SYT16: variants seen among roughly 807,000 people sequenced by gnomAD.
SYT16 encodes the protein synaptotagmin-16.
Under a neutral mutation model 61.4 loss-of-function variants are expected in SYT16, and 42 were observed. That is an observed-to-expected ratio of 0.68 (90% CI 0.53 to 0.89). The LOEUF is 0.89. Among genes scored for constraint, SYT16 ranks in the 40% least tolerant of loss-of-function variants. The pLI is 0.00. For missense variants in SYT16, 804 were observed against 807.3 expected (o/e 1.00, Z 0.05); for synonymous variants, 314 against 302.3 (o/e 1.04, Z -0.40).
At chr14:61,982,413 A>C (rs1238352334) in intron 2 of SYT16, among the ~76,000 whole-genome samples, 1 of 152,182 alleles carries the variant, frequency 6.6e-6, no homozygotes. Flanking sequence ...CACGTCTTAC[A>C]TGGCAGCAGG....
At chr14:61,966,434 T>C (rs1285148514) in intron 1 of SYT16, among the ~76,000 whole-genome samples, 2 of 152,120 alleles carry the variant, frequency 1.3e-5, no homozygotes, top group East Asian at 3.8e-4. Flanking sequence ...TTTCCAAACA[T>C]TCTACTCTAT....
chr14:61,936,808 C>A (rs1566695712), intron 1 of SYT16, among the ~76,000 whole-genome samples: 1 of 152,184 alleles, frequency 6.6e-6, no homozygotes, highest in Non-Finnish European at 1.5e-5. Context: ...GGCAACTTTT[C>A]ATCACCCTCA....
chr14:62,091,297 T>C (rs1333248625), intron 7 of SYT16, among the ~76,000 whole-genome samples: 1 of 152,094 alleles, frequency 6.6e-6, no homozygotes, highest in Admixed American at 6.6e-5. Flanking sequence ...TCCACAAAGT[T>C]TGACAGAGTT....
At chr14:62,075,516 TA>T in intron 5 of SYT16, 125 bp downstream of exon 5, 1 of 1,161,528 alleles carries the variant, frequency 8.6e-7, no homozygotes, top group Non-Finnish European at 1.1e-6. Context: ...TTATCTGCAA[TA>T]AATTTTTGTC....
At chr14:61,906,353 G>A (rs2048709155) in intron 1 of SYT16, among the ~76,000 whole-genome samples, 1 of 152,144 alleles carries the variant, frequency 6.6e-6, no homozygotes, top group African/African-American at 2.4e-5. Context: ...TGCAGTCATG[G>A]CTTGCTGTAG....
In SYT16 at chr14:61,946,376, A is replaced by G. The variant is rs2050437651; in HGVS notation, c.-324-23756A>G. ...ATATGCGTGGAATATCCACTCATGG[A>G]TAGAGTGGAATAATAGATGTTGGAG... On this transcript the variant is annotated intron_variant, in intron 1 of 7. Transcript: ENST00000683842. Among the ~76,000 whole-genome samples, 3 of 152,144 alleles carry G rather than the reference A, an allele frequency of 2.0e-5. No individual in the cohort carries two copies. In the South Asian group the frequency reaches 6.2e-4, roughly 32 times the overall value.
chr14:61,923,488 T>G (rs1256265625), intron 1 of SYT16, among the ~76,000 whole-genome samples: 2 of 152,134 alleles, frequency 1.3e-5, no homozygotes, highest in African/African-American at 2.4e-5. Flanking sequence ...ACCCCAAACC[T>G]CTCTTCCCCA....
At chr14:61,999,626 T>C (rs2052912321) in intron 3 of SYT16, among the ~76,000 whole-genome samples, 1 of 151,830 alleles carries the variant, frequency 6.6e-6, no homozygotes, top group Admixed American at 6.6e-5. Flanking sequence ...ATTTCTGTTA[T>C]TATTATTTTC....
intron 1 of SYT16, among the ~76,000 whole-genome samples, chr14:61,925,177 G>A (rs977044959): frequency 1.3e-5 from 2 of 152,226 alleles, no homozygotes; most frequent in Non-Finnish European, 2.9e-5. Context: ...CGGTAACCTA[G>A]CATAGATTCT....
intron 1 of SYT16, among the ~76,000 whole-genome samples, chr14:61,947,950 A>G (rs2050514735): frequency 6.6e-6 from 1 of 152,230 alleles, no homozygotes; most frequent in Non-Finnish European, 1.5e-5. Flanking sequence ...TTATGAGGCA[A>G]TGCACAAAAG....
chr14:61,826,777 C>A (rs952859971), intron 1 of SYT16, among the ~76,000 whole-genome samples: 3 of 152,028 alleles, frequency 2.0e-5, no homozygotes, highest in African/African-American at 7.3e-5. Flanking sequence ...AAACAACACA[C>A]ACGTATTTTC....
intron 1 of SYT16, among the ~76,000 whole-genome samples, chr14:61,940,219 A>G (rs919624890): frequency 6.6e-6 from 1 of 151,922 alleles, no homozygotes; most frequent in Non-Finnish European, 1.5e-5. Flanking sequence ...TCAGCTTTTG[A>G]GGTGACATTC....
intron 1 of SYT16, among the ~76,000 whole-genome samples, chr14:61,829,903 C>T (rs949849083): frequency 2.6e-5 from 4 of 152,134 alleles, no homozygotes; most frequent in African/African-American, 9.7e-5. Context: ...ATCCACCTGC[C>T]TTGGCCTCCC....
chr14:61,963,448 A>C (rs2051190511), intron 1 of SYT16, among the ~76,000 whole-genome samples: 1 of 152,194 alleles, frequency 6.6e-6, no homozygotes, highest in African/African-American at 2.4e-5. Flanking sequence ...TAGAAAATCA[A>C]ACCAGCTATA....
intron 3 of SYT16, among the ~76,000 whole-genome samples, chr14:62,023,556 T>C (rs2053990625): frequency 6.6e-6 from 1 of 152,158 alleles, no homozygotes; most frequent in African/African-American, 2.4e-5. Flanking sequence ...CCATTTTCTC[T>C]TCATCTCTAG....
intron 3 of SYT16, among the ~76,000 whole-genome samples, chr14:62,005,403 G>T (rs1402677506): frequency 6.6e-6 from 1 of 152,124 alleles, no homozygotes; most frequent in African/African-American, 2.4e-5. Flanking sequence ...CGACTGTGTT[G>T]TTCCTTGAGT....
rs1326304979 is a variant in SYT16, at chr14:62,107,431, C to G, written c.*6724C>G. On this transcript the variant is annotated 3_prime_UTR_variant, in exon 8 of 8. Transcript: ENST00000683842. ...TGGGTAGCAGAGTGAGACTCTGTCT[C>G]AAAAAAACCAAAAAACAAGACCTTT... 1.3e-5 allele frequency: 2 copies of G among 151,730 alleles called. No homozygotes were observed. The highest frequency in any genetic ancestry group is 4.8e-5 in the African/African-American group (2 of 41,276). The allele number at this position is 151,730 out of a possible 1,614,324, so 9.4% of individuals were successfully genotyped here.
At chr14:61,873,587 C>A (rs569833700) in intron 1 of SYT16, among the ~76,000 whole-genome samples, 2 of 152,244 alleles carry the variant, frequency 1.3e-5, no homozygotes, top group Non-Finnish European at 2.9e-5. Context: ...AACTTTGATG[C>A]ATTTTTAAAA....
At chr14:62,005,987 A>T (rs2053206327) in intron 3 of SYT16, among the ~76,000 whole-genome samples, 1 of 152,122 alleles carries the variant, frequency 6.6e-6, no homozygotes, top group Non-Finnish European at 1.5e-5. Flanking sequence ...GAGGTTGCCT[A>T]AGTTGCCTCT....
Sources: gnomAD v4.1 joint callset for allele counts (sites outside exome capture counted in the v4.1 genomes callset) on GRCh38, gnomAD v4.1.1 for gene constraint, MANE v1.5 for transcripts, NCBI Gene and HGNC (gene_info 2026-07-23, HGNC 2026-07-21) for gene names.